Variants in MACF1 observed in about 807,000 individuals in gnomAD.
The protein encoded by MACF1 is microtubule-actin cross-linking factor 1.
Under a neutral mutation model 854.8 loss-of-function variants are expected in MACF1, and 193 were observed. The observed-to-expected ratio is 0.23, with a 90% CI of 0.20 to 0.25. The LOEUF (loss-of-function observed/expected upper bound fraction) is 0.25, where lower values mean the gene tolerates loss of function less well. Ranked by LOEUF, MACF1 falls within the 10% of genes least tolerant of loss-of-function variation. The pLI, the probability that MACF1 is intolerant of heterozygous loss-of-function variation, is 1.00. For synonymous variants in MACF1, 3,185 were observed against 3,226.7 expected, an observed-to-expected ratio of 0.99 and a Z score of 0.44; for missense variants, 7,722 against 8,929.1, an observed-to-expected ratio of 0.86 and a Z score of 5.45.
At chr1:39,087,329 C>T (rs891177717) in intron 2 of MACF1, among the ~76,000 whole-genome samples, 21 of 152,210 alleles carry the variant, frequency 1.4e-4, no homozygotes, top group African/African-American at 4.8e-4. Context: ...TGGCCCACTC[C>T]GTGTCCTGAG....
chr1:39,364,680 G>A (rs897315653), intron 49 of MACF1, among the ~76,000 whole-genome samples: 4 of 151,972 alleles, frequency 2.6e-5, no homozygotes, highest in Non-Finnish European at 5.9e-5. Context: ...TTTTAGTAGA[G>A]ACGGGGTTTC....
intron 89 of MACF1, among the ~76,000 whole-genome samples, chr1:39,456,493 G>A (rs999301116): frequency 2.0e-5 from 3 of 152,200 alleles, no homozygotes; most frequent in South Asian, 4.1e-4. Flanking sequence ...GCTAAGCTAC[G>A]ATGTTCCATA....
intron 35 of MACF1, among the ~76,000 whole-genome samples, chr1:39,326,768 A>G (rs1046269846): frequency 6.6e-6 from 1 of 151,974 alleles, no homozygotes; most frequent in South Asian, 2.1e-4. Flanking sequence ...TGAAAGCTGG[A>G]TAGCTAGACA....
intron 40 of MACF1, among the ~76,000 whole-genome samples, chr1:39,343,567 T>G (rs1646981548): frequency 6.6e-6 from 1 of 152,248 alleles, no homozygotes; most frequent in Non-Finnish European, 1.5e-5. Context: ...CATGCATTGG[T>G]GCCCTCCCCT....
intron 6 of MACF1, among the ~76,000 whole-genome samples, chr1:39,274,236 TA>T (rs887508136): frequency 2.0e-5 from 3 of 151,574 alleles, no homozygotes; most frequent in East Asian, 3.8e-4. Flanking sequence ...AAAATGAAAT[TA>T]AAAAATAAAA....
chr1:39,351,074 C>A, intron 43 of MACF1, 56 bp downstream of exon 43: 1 of 1,335,458 alleles, frequency 7.5e-7, no homozygotes, highest in Non-Finnish European at 1.0e-6. Flanking sequence ...TTGGTACCAA[C>A]ACAAATAAAA....
chr1:39,291,019 T>A (rs543086163), intron 15 of MACF1, among the ~76,000 whole-genome samples: 18 of 151,664 alleles, frequency 1.2e-4, no homozygotes, highest in Non-Finnish European at 2.2e-4. Context: ...TCACCCAGGC[T>A]GGAGTGCAGT....
intron 2 of MACF1, among the ~76,000 whole-genome samples, chr1:39,164,417 T>A (rs904635356): frequency 2.0e-5 from 3 of 152,226 alleles, no homozygotes; most frequent in African/African-American, 7.2e-5. Flanking sequence ...GTCTTCAGGC[T>A]TAGTGGCCAG....
chr1:39,295,721 G>A, intron 19 of MACF1, 66 bp from the exon 20 acceptor site: 1 of 1,158,242 alleles, frequency 8.6e-7, no homozygotes, highest in Non-Finnish European at 1.3e-6. Context: ...TTGGAAAATA[G>A]TATTGCGCAT....
At chr1:39,427,110 G>A (rs571107373) in intron 61 of MACF1, among the ~76,000 whole-genome samples, 5 of 152,258 alleles carry the variant, frequency 3.3e-5, no homozygotes, top group African/African-American at 9.6e-5. Context: ...GTTAAATAAG[G>A]AGAACATTAG....
At chr1:39,427,423 TCCTGAGCAGC>T in intron 61 of MACF1, 22 bp from the exon 62 acceptor site, 2 of 1,603,964 alleles carry the variant, frequency 1.2e-6, no homozygotes, top group African/African-American at 1.3e-5. Context: ...TGACTTTTCT[TCCTGAGCAGC>T]TTGTTCTATA....
intron 35 of MACF1, among the ~76,000 whole-genome samples, chr1:39,325,975 C>T (rs1436157502): frequency 6.6e-6 from 1 of 152,078 alleles, no homozygotes; most frequent in Non-Finnish European, 1.5e-5. Context: ...ACTGGATTTA[C>T]CTAGCAGCCT....
intron 63 of MACF1, 72 bp from the exon 64 acceptor site, chr1:39,429,169 CT>C: frequency 4.0e-6 from 3 of 745,016 alleles, no homozygotes; most frequent in Admixed American, 2.3e-5. Flanking sequence ...TAAATTTGAT[CT>C]CTTAAAGGTC....
intron 52 of MACF1, among the ~76,000 whole-genome samples, chr1:39,377,211 G>T (rs1372632582): frequency 6.6e-6 from 1 of 151,642 alleles, no homozygotes; most frequent in African/African-American, 2.4e-5. Context: ...GGGTTTCACC[G>T]TATTGCCCAG....
intron 2 of MACF1, among the ~76,000 whole-genome samples, chr1:39,195,079 T>C (rs974661815): frequency 3.3e-5 from 5 of 152,194 alleles, no homozygotes; most frequent in African/African-American, 1.2e-4. Flanking sequence ...TTGGAGACAC[T>C]TTTTTCTTTT....
chr1:39,201,011 A>C (rs532701323), upstream of MACF1, among the ~76,000 whole-genome samples: 2 of 152,292 alleles, frequency 1.3e-5, no homozygotes, highest in South Asian at 2.1e-4. Context: ...CAAAAAACAG[A>C]CAGCCACAGC....
At chr1:39,262,422 A>AAAACAT (rs1645174441) in intron 6 of MACF1, among the ~76,000 whole-genome samples, 1 of 146,196 alleles carries the variant, frequency 6.8e-6, no homozygotes, top group Non-Finnish European at 1.5e-5. Flanking sequence ...AAAAAAAAGA[A>AAAACAT]TCTACTACAG....
intron 2 of MACF1, among the ~76,000 whole-genome samples, chr1:39,189,459 A>G (rs933632783): frequency 6.6e-6 from 1 of 152,238 alleles, no homozygotes; most frequent in Non-Finnish European, 1.5e-5. Flanking sequence ...TGGATACCCC[A>G]AAGTTGGCAG....
chr1:39,260,845 T>G (rs887126050), intron 6 of MACF1, among the ~76,000 whole-genome samples: 1 of 152,182 alleles, frequency 6.6e-6, no homozygotes, highest in Non-Finnish European at 1.5e-5. Context: ...TTTTTTCTTA[T>G]ACTGAAAATC....
Sources: allele counts gnomAD v4.1 joint callset (sites outside exome capture counted in the v4.1 genomes callset), GRCh38; gene constraint gnomAD v4.1.1; transcripts MANE v1.5; gene names NCBI Gene and HGNC (gene_info 2026-07-23, HGNC 2026-07-21).